The following B3GALT1 variants were observed in gnomAD, a reference collection of about 807,000 sequenced individuals.
The protein encoded by B3GALT1 is UDP-Gal:betaGlcNAc beta 1,3-galactosyltransferase, polypeptide 1.
Under a neutral mutation model 23.2 loss-of-function variants are expected in B3GALT1, and 10 were observed. The observed-to-expected ratio is 0.43, with a 90% confidence interval of 0.27 to 0.73. B3GALT1 has a LOEUF of 0.73. Ranked by LOEUF, B3GALT1 falls within the 30% of genes least tolerant of loss-of-function variation. B3GALT1 has a pLI of 0.21. For synonymous variants in B3GALT1, 156 were observed against 141.5 expected (o/e 1.10, Z -0.73); for missense variants, 299 against 405.4 (o/e 0.74, Z 2.25).
At chr2:167,733,938 A>C (rs1279742519) in intron 3 of B3GALT1, among the ~76,000 whole-genome samples, 1 of 152,020 alleles carries the variant, frequency 6.6e-6, no homozygotes, top group Non-Finnish European at 1.5e-5. Context: ...AGTACCAAGC[A>C]TGTTGCCATT....
chr2:167,606,874 A>G (rs1352231513), intron 2 of B3GALT1, among the ~76,000 whole-genome samples: 6 of 152,198 alleles, frequency 3.9e-5, no homozygotes, highest in African/African-American at 1.4e-4. Flanking sequence ...AGAACTTTAG[A>G]CTTCAAAATA....
intron 1 of B3GALT1, among the ~76,000 whole-genome samples, chr2:167,314,924 A>G (rs933636610): frequency 5.3e-5 from 8 of 152,278 alleles, no homozygotes; most frequent in Admixed American, 5.2e-4. Context: ...TTGACTATCC[A>G]TTTCTAATTA....
At chr2:167,443,172 A>G (rs945246942) in intron 1 of B3GALT1, among the ~76,000 whole-genome samples, 1 of 151,746 alleles carries the variant, frequency 6.6e-6, no homozygotes, top group Non-Finnish European at 1.5e-5. Context: ...TTTGTCAAAG[A>G]TCAGATAGTT....
intron 3 of B3GALT1, among the ~76,000 whole-genome samples, chr2:167,712,929 T>C (rs1425487630): frequency 6.6e-6 from 1 of 152,188 alleles, no homozygotes; most frequent in Admixed American, 6.5e-5. Flanking sequence ...CTACTGTCAA[T>C]AGGGGGAAAA....
chr2:167,509,711 C>T (rs1260076156), intron 2 of B3GALT1, among the ~76,000 whole-genome samples: 2 of 152,152 alleles, frequency 1.3e-5, no homozygotes, highest in East Asian at 3.9e-4. Context: ...TTCAGTGTGG[C>T]TGGAGCAGTG....
chr2:167,734,250 G>A (rs1687457305), intron 3 of B3GALT1, among the ~76,000 whole-genome samples: 1 of 152,154 alleles, frequency 6.6e-6, no homozygotes, highest in African/African-American at 2.4e-5. Context: ...CAGTGAGGAA[G>A]TAAATGTATA....
In B3GALT1 at chr2:167,554,778, A is replaced by C. The variant is rs1412344723; in HGVS notation, c.-410+64501A>C. Among the ~76,000 whole-genome samples, 3 of 152,244 alleles carry C rather than the reference A, an allele frequency of 2.0e-5. No individual in the cohort carries two copies. The East Asian group carries it at 5.8e-4, about 29-fold the overall frequency. On this transcript the variant is annotated intron_variant, in intron 2 of 4. Coordinates refer to ENST00000392690, the MANE Select transcript of B3GALT1 (RefSeq NM_020981.4). ...GACTAAATTGCTAGTCCAATTAAGCAAAATTAACGTTTGGATTACTTGTAA... is the reference window on the plus strand; with the variant it reads ...GACTAAATTGCTAGTCCAATTAAGCCAAATTAACGTTTGGATTACTTGTAA...
chr2:167,525,774 A>AT (rs58757694), intron 2 of B3GALT1, among the ~76,000 whole-genome samples: 71,874 of 145,116 alleles, frequency 0.5, 18,721 homozygotes, highest in East Asian at 0.81. Context: ...CACCTGGCTA[A>AT]TTTTTTTTTT....
intron 3 of B3GALT1, among the ~76,000 whole-genome samples, chr2:167,776,323 A>T (rs77899400): frequency 0.097 from 14,781 of 152,190 alleles, 961 homozygotes; most frequent in Middle Eastern, 0.19. Flanking sequence ...ACAGAAATGG[A>T]CATGTTGTAG....
At chr2:167,857,717 C>T (rs994181529) in intron 4 of B3GALT1, among the ~76,000 whole-genome samples, 2 of 152,050 alleles carry the variant, frequency 1.3e-5, no homozygotes, top group Non-Finnish European at 2.9e-5. Flanking sequence ...GAAAATTGTA[C>T]ACATAACCAC....
chr2:167,525,774 A>ATTTTTT (rs58757694), intron 2 of B3GALT1, among the ~76,000 whole-genome samples: 2 of 145,246 alleles, frequency 1.4e-5, no homozygotes, highest in African/African-American at 5.1e-5. Flanking sequence ...CACCTGGCTA[A>ATTTTTT]TTTTTTTTTT....
chr2:167,700,246 AAAAT>A (rs1397693084), intron 3 of B3GALT1, among the ~76,000 whole-genome samples: 1 of 152,186 alleles, frequency 6.6e-6, no homozygotes, highest in Non-Finnish European at 1.5e-5. Context: ...CTTGTCTCAA[AAAAT>A]AAATAAATAA....
rs1291441484 is a variant in B3GALT1 at position 167,739,927 on chromosome 2, C to CAAA, written c.-351-78740_-351-78738dup. On this transcript the variant is annotated intron_variant, in intron 3 of 4. Transcript: ENST00000392690. ...GCAACACAGTAAGAAGTTGTCTCTA[C>CAAA]AAAAAAACAAACAAAAAAAAAAAAA... Among the ~76,000 whole-genome samples, 53 of 66,418 alleles carry CAAA rather than the reference C, an allele frequency of 8.0e-4. 1 individual carries two copies. The highest frequency in any genetic ancestry group is 1.5e-3 in the Admixed American group (10 of 6,670). 43.6% of individuals were successfully genotyped at this position (66,418 alleles called of 152,430 possible).
intron 2 of B3GALT1, among the ~76,000 whole-genome samples, chr2:167,544,331 G>C (rs1183087643): frequency 2.0e-5 from 3 of 152,148 alleles, no homozygotes; most frequent in African/African-American, 7.2e-5. Context: ...GTCTCAATCT[G>C]TTGCCCAGGC....
chr2:167,314,177 C>G (rs1435516012), intron 1 of B3GALT1, among the ~76,000 whole-genome samples: 1 of 151,906 alleles, frequency 6.6e-6, no homozygotes, highest in Non-Finnish European at 1.5e-5. Context: ...GGTTTCCAGA[C>G]TTAAAATGTT....
intron 1 of B3GALT1, among the ~76,000 whole-genome samples, chr2:167,368,904 T>TACG (rs1559077238): frequency 6.6e-6 from 1 of 151,634 alleles, no homozygotes; most frequent in Non-Finnish European, 1.5e-5. Context: ...CCCCCCCATG[T>TACG]GAGTATTCCT....
chr2:167,648,357 C>A (rs1685793265), intron 3 of B3GALT1, among the ~76,000 whole-genome samples: 1 of 151,904 alleles, frequency 6.6e-6, no homozygotes, highest in Non-Finnish European at 1.5e-5. Context: ...TTTTTCTGTA[C>A]AACATAAACT....
At chr2:167,592,028 G>A (rs1451076980) in intron 2 of B3GALT1, among the ~76,000 whole-genome samples, 1 of 152,146 alleles carries the variant, frequency 6.6e-6, no homozygotes, top group African/African-American at 2.4e-5. Context: ...GAGAGAAAGA[G>A]AAGTACTGAT....
At chr2:167,661,483 G>C (rs1486475228) in intron 3 of B3GALT1, among the ~76,000 whole-genome samples, 2 of 152,026 alleles carry the variant, frequency 1.3e-5, no homozygotes, top group African/African-American at 4.8e-5. Flanking sequence ...TTCAAGAGAA[G>C]TTTCTCAAAC....
Sources: gnomAD v4.1 joint callset for allele counts (sites outside exome capture counted in the v4.1 genomes callset) on GRCh38, gnomAD v4.1.1 for gene constraint, MANE v1.5 for transcripts, NCBI Gene and HGNC (gene_info 2026-07-23, HGNC 2026-07-21) for gene names.